ME2: variants seen among roughly 807,000 people sequenced by gnomAD.
ME2 encodes the protein NAD-dependent malic enzyme, mitochondrial.
Under a neutral mutation model 73.7 loss-of-function variants are expected in ME2, and 60 were observed. The observed-to-expected ratio is 0.81, with a 90% CI of 0.66 to 1.01. The LOEUF is 1.01. Ranked by LOEUF, ME2 falls within the 50% of genes least tolerant of loss-of-function variation. The pLI, the probability that ME2 is intolerant of heterozygous loss-of-function variation, is 0.00. For missense variants in ME2, 594 were observed against 705.5 expected, an observed-to-expected ratio of 0.84 and a Z score of 1.79; for synonymous variants, 199 against 236.9, an observed-to-expected ratio of 0.84 and a Z score of 1.47.
intron 3 of ME2, 54 bp downstream of exon 3, chr18:50,908,250 A>G (rs1056495129): frequency 3.7e-6 from 5 of 1,334,972 alleles, no homozygotes; most frequent in Admixed American, 2.3e-5. Context: ...TAGAAAACTT[A>G]TGAGCATTAT....
chr18:50,940,990 G>T (rs1348885772), intron 15 of ME2, among the ~76,000 whole-genome samples: 3 of 151,986 alleles, frequency 2.0e-5, no homozygotes, highest in Non-Finnish European at 4.4e-5. Context: ...GGGCGCAGTG[G>T]CTTACACCTG....
intron 7 of ME2, 76 bp from the exon 8 acceptor site, chr18:50,920,380 C>G: frequency 3.0e-6 from 3 of 1,007,490 alleles, no homozygotes; most frequent in Non-Finnish European, 3.0e-6. Context: ...TGAATGCTAT[C>G]ATAGGGAATA....
intron 1 of ME2, among the ~76,000 whole-genome samples, chr18:50,888,610 C>CT (rs1427463721): frequency 6.6e-6 from 1 of 151,670 alleles, no homozygotes; most frequent in African/African-American, 2.4e-5. Context: ...TAGGTGATGT[C>CT]TAAGACTCGT....
intron 2 of ME2, among the ~76,000 whole-genome samples, chr18:50,896,529 T>A (rs2850544): frequency 0.5 from 75,760 of 152,064 alleles, 19,634 homozygotes; most frequent in South Asian, 0.69. Flanking sequence ...CTATGTTTGG[T>A]TCGGTGGACA....
chr18:50,895,252 ATTAC>A (rs147428053), intron 1 of ME2, among the ~76,000 whole-genome samples: 75,316 of 151,542 alleles, frequency 0.5, 19,422 homozygotes, highest in South Asian at 0.68. Context: ...AGTAATTACA[ATTAC>A]TTTATATGTT....
At chr18:50,933,765 C>G (rs582604) in intron 13 of ME2, 74,266 of 151,358 alleles carry the variant, frequency 0.49, 18,784 homozygotes, top group South Asian at 0.67. Context: ...CATCACCCGG[C>G]TAATAAGCAT....
intron 2 of ME2, among the ~76,000 whole-genome samples, chr18:50,905,093 TCTC>T (rs1462969954): frequency 6.6e-6 from 1 of 152,026 alleles, no homozygotes; most frequent in African/African-American, 2.4e-5. Context: ...TTCAAGCAAT[TCTC>T]CTGCCTCAGC....
chr18:50,943,192 G>A (rs1918004166), intron 15 of ME2, among the ~76,000 whole-genome samples: 1 of 151,880 alleles, frequency 6.6e-6, no homozygotes, highest in African/African-American at 2.4e-5. Context: ...AGATTACTAA[G>A]ATTTTTCTTA....
intron 1 of ME2, among the ~76,000 whole-genome samples, chr18:50,894,965 A>G (rs571662178): frequency 6.6e-6 from 1 of 152,172 alleles, no homozygotes; most frequent in African/African-American, 2.4e-5. Context: ...CAAAAAAAAA[A>G]AAAATCCTTA....
chr18:50,901,392 T>C (rs917729614), intron 2 of ME2, among the ~76,000 whole-genome samples: 2 of 152,194 alleles, frequency 1.3e-5, no homozygotes, highest in African/African-American at 2.4e-5. Flanking sequence ...GGATATGTCT[T>C]ATATTAGATT....
chr18:50,880,606 G>A (rs944467212), intron 1 of ME2, among the ~76,000 whole-genome samples: 1 of 152,132 alleles, frequency 6.6e-6, no homozygotes, highest in African/African-American at 2.4e-5. Context: ...TAATAGAGAC[G>A]GGGGCTTCGC....
intron 10 of ME2, 145 bp downstream of exon 10, chr18:50,921,332 T>C: frequency 2.0e-6 from 1 of 508,626 alleles, no homozygotes; most frequent in South Asian, 3.3e-5. Context: ...TCAACAGATG[T>C]CCCTAGTCTT....
intron 1 of ME2, among the ~76,000 whole-genome samples, chr18:50,887,788 T>C (rs1916507239): frequency 6.6e-6 from 1 of 152,080 alleles, no homozygotes; most frequent in African/African-American, 2.4e-5. Flanking sequence ...CCATCAAAGA[T>C]TGCAAAGTGA....
intron 8 of ME2, 35 bp from the exon 9 acceptor site, chr18:50,920,625 AT>A (rs1568169098): frequency 1.3e-6 from 2 of 1,579,622 alleles, no homozygotes; most frequent in East Asian, 4.5e-5. Context: ...TAATGTGCCC[AT>A]TTTTTATTTG....
chr18:50,888,117 A>G (rs1023955333), intron 1 of ME2, among the ~76,000 whole-genome samples: 1 of 152,160 alleles, frequency 6.6e-6, no homozygotes, highest in African/African-American at 2.4e-5. Flanking sequence ...TGAGGCTGGC[A>G]GATCACTTGA....
At chr18:50,894,288 G>T (rs2144194280) in intron 1 of ME2, among the ~76,000 whole-genome samples, 1 of 152,316 alleles carries the variant, frequency 6.6e-6, no homozygotes, top group East Asian at 1.9e-4. Context: ...TTTTGGCCGG[G>T]CGCGGTGGCC....
chr18:50,925,895 A>G lies in ME2; in HGVS notation c.1311A>G (p.Thr437=). ...ECTAEEAYTL[T]EGRCLFASGS... ...CGGCTGAAGAAGCATATACACTTACAGAGGTATTAATAATCACATGAATTG... is the reference window on the plus strand; with the variant it reads ...CGGCTGAAGAAGCATATACACTTACGGAGGTATTAATAATCACATGAATTG... The change falls in exon 12 of 16, where the codon ACA becomes ACG. Residue 437 remains threonine (T), a synonymous_variant. Transcript: ENST00000321341. 6.2e-7 allele frequency: 1 copy of G among 1,600,752 alleles called. No individual in the cohort carries two copies. The highest frequency in any genetic ancestry group is 8.6e-7 in the Non-Finnish European group (1 of 1,168,066).
intron 1 of ME2, among the ~76,000 whole-genome samples, chr18:50,880,535 C>A (rs1208374182): frequency 2.0e-5 from 3 of 152,136 alleles, no homozygotes; most frequent in African/African-American, 7.2e-5. Context: ...GCATGTAATT[C>A]CAGCACTTCT....
rs1408463903 is a variant in ME2 at position 50,951,347 on chromosome 18, AGG to A, written c.*4165_*4166del. Reference sequence around the variant, plus strand: ...GCTCTCAGATAACAGAAAACCCAAAAGGGATGGTGGCGGAGTGAAGAAAGCCT... The same window carrying A: ...GCTCTCAGATAACAGAAAACCCAAAAGATGGTGGCGGAGTGAAGAAAGCCT... On this transcript the variant is annotated 3_prime_UTR_variant, in exon 16 of 16. Transcript: ENST00000321341. 1.3e-5 allele frequency: 2 copies of A among 152,204 alleles called. No homozygotes were observed. The highest frequency in any genetic ancestry group is 2.9e-5 in the Non-Finnish European group (2 of 68,038). 9.4% of individuals were successfully genotyped at this position (152,204 alleles called of 1,614,324 possible).
Sources: allele counts gnomAD v4.1 joint callset (sites outside exome capture counted in the v4.1 genomes callset), GRCh38; gene constraint gnomAD v4.1.1; transcripts MANE v1.5; gene names NCBI Gene and HGNC (gene_info 2026-07-23, HGNC 2026-07-21).